BCL9: variants seen among roughly 807,000 people sequenced by gnomAD.
BCL9 encodes B-cell CLL/lymphoma 9 protein.
A neutral mutation model predicts 88.5 loss-of-function variants in BCL9; 25 were observed. The observed-to-expected ratio is 0.28, with a 90% CI of 0.21 to 0.39. BCL9 has a LOEUF of 0.39. Among genes scored for constraint, BCL9 ranks in the 10% least tolerant of loss-of-function variants. The pLI, the probability that BCL9 is intolerant of heterozygous loss-of-function variation, is 1.00. For synonymous variants in BCL9, 711 were observed against 673.3 expected, an observed-to-expected ratio of 1.06 and a Z score of -0.87; for missense variants, 1,817 against 1,877.8, an observed-to-expected ratio of 0.97 and a Z score of 0.60.
intron 1 of BCL9, among the ~76,000 whole-genome samples, chr1:147,580,331 C>T (rs587651594): frequency 6.6e-5 from 10 of 152,158 alleles, no homozygotes; most frequent in African/African-American, 1.2e-4. Flanking sequence ...TCTGAATGTA[C>T]GTAAAGAAAA....
Position 147,620,819 on chromosome 1 carries a change from T to C in BCL9, c.2664T>C (p.Thr888=). ...CGGGGAACCTCAAGTCCCCCCAGAC[T>C]CCATCGCAGCTGGCAGGCATGCTGG... ...SPSGNLKSPQ[T]PSQLAGMLAG... The change falls in exon 8 of 10, where the codon ACT becomes ACC. Residue 888 remains threonine (T), a synonymous_variant. Transcript: ENST00000234739. 6.2e-7 allele frequency: 1 copy of C among 1,614,118 alleles called. No individual in the cohort carries two copies. Among genetic ancestry groups the C allele is most frequent in the Non-Finnish European group, 8.5e-7 (1 of 1,180,016 alleles).
At chr1:147,573,781 AAGG>A (rs1205012851) in intron 1 of BCL9, among the ~76,000 whole-genome samples, 5 of 152,170 alleles carry the variant, frequency 3.3e-5, no homozygotes, top group Non-Finnish European at 7.3e-5. Flanking sequence ...ATTTTCCAGG[AAGG>A]AGAAGTGACT....
intron 1 of BCL9, among the ~76,000 whole-genome samples, chr1:147,553,253 C>T (rs1432464637): frequency 1.3e-5 from 2 of 152,168 alleles, no homozygotes; most frequent in Non-Finnish European, 2.9e-5. Context: ...GGTAGAACCT[C>T]AGCTAAGCTC....
At position 147,619,426 on chromosome 1, in the gene BCL9, C is replaced by G. The variant is rs781959957; in HGVS notation, c.1271C>G (p.Thr424Arg). The G allele has an allele frequency of 6.2e-7, 1 of 1,614,126 alleles. No homozygotes were observed. Among genetic ancestry groups the G allele is most frequent in the East Asian group, 2.2e-5 (1 of 44,888 alleles). ...CTAGGTAAGGGACCTGGGCCCCGGA[C>G]AGACGTGGGAGCTCCATTTGGCCCT... ...QSLGKGPGPR[T>R]DVGAPFGPQG... Residue 424 changes from threonine (T) to arginine (R), a missense_variant, in exon 8 of 10, where the codon ACA becomes AGA. Transcript: ENST00000234739. This position sits in a 1 kb window ranked among gnomAD's most constrained non-coding sequence, Gnocchi z 4.1.
At chr1:147,623,391 C>T (rs1477471368) in intron 9 of BCL9, among the ~76,000 whole-genome samples, 2 of 152,184 alleles carry the variant, frequency 1.3e-5, no homozygotes, top group Non-Finnish European at 2.9e-5. Context: ...CTATAAGGCA[C>T]TTATAAAATA....
intron 6 of BCL9, among the ~76,000 whole-genome samples, 193 bp downstream of exon 6, chr1:147,614,809 C>T (rs1553203538): frequency 2.0e-5 from 3 of 151,646 alleles, no homozygotes; most frequent in Admixed American, 6.6e-5. Context: ...AGAAATTTTT[C>T]GTGCTTGTAC....
rs587642467 is a variant in BCL9 at position 147,609,470 on chromosome 1, C to A, written c.-259-2108C>A. Among the ~76,000 whole-genome samples the A allele has an allele frequency of 1.4e-4, 21 of 152,292 alleles. No individual in the cohort carries two copies. In the South Asian group the frequency reaches 3.5e-3, roughly 26 times the overall value. On this transcript the variant is annotated intron_variant, in intron 3 of 9. Transcript: ENST00000234739. ...AGGAAGATGGCTTCAAGGAAAGAGC[C>A]AGGGTCTGAGAGCAGTGATTGGAAA...
intron 4 of BCL9, among the ~76,000 whole-genome samples, chr1:147,612,311 T>A (rs183154307): frequency 6.0e-4 from 91 of 152,316 alleles, no homozygotes; most frequent in African/African-American, 1.9e-3. Flanking sequence ...GTTAAATTGT[T>A]ACTTTAAAAG....
intron 3 of BCL9, among the ~76,000 whole-genome samples, chr1:147,607,254 A>G (rs1657763131): frequency 6.6e-6 from 1 of 152,162 alleles, no homozygotes; most frequent in Non-Finnish European, 1.5e-5. Context: ...TACTTAGTTG[A>G]TCCCGTCTTA....
chr1:147,622,275 C>G lies in BCL9; in HGVS notation c.2907C>G (p.Gly969=), dbSNP rs782818938. 3 of 1,613,946 alleles carry G rather than the reference C, an allele frequency of 1.9e-6. No homozygotes were observed. In the Admixed American group the frequency reaches 5.0e-5, roughly 27 times the overall value. The change falls in exon 9 of 10, where the codon GGC becomes GGG. Residue 969 remains glycine, a synonymous_variant. Transcript: ENST00000234739. The part of the protein sequence containing the change: ...PAMLGNVESG[G]PPPPTASQPA... ...TTTTATTTTGCTTCCTTTTAGGTGGCCCCCCACCTCCTACAGCCAGCCAGC... is the reference window on the plus strand; with the variant it reads ...TTTTATTTTGCTTCCTTTTAGGTGGGCCCCCACCTCCTACAGCCAGCCAGC...
intron 3 of BCL9, among the ~76,000 whole-genome samples, chr1:147,610,652 A>T (rs1421871641): frequency 6.6e-6 from 1 of 152,180 alleles, no homozygotes; most frequent in African/African-American, 2.4e-5. Flanking sequence ...AAGGGGGTTG[A>T]TAATGGGATA....
rs1397102066 is a variant in BCL9, at chr1:147,615,789, T to A, written c.561-14T>A. 1 of 1,608,818 alleles carries A rather than the reference T, an allele frequency of 6.2e-7. No homozygotes were observed. Among genetic ancestry groups the A allele is most frequent in the East Asian group, 2.2e-5 (1 of 44,856 alleles). ...AACAAGTTCTAGTGTGTGCTGTCTC[T>A]TCCATCTTTGCAGAGCTGCAGAAGC... On this transcript the variant is annotated splice_polypyrimidine_tract_variant and intron_variant, in intron 6 of 9. Transcript: ENST00000234739.
At chr1:147,549,520 C>G (rs1170552903) in intron 1 of BCL9, among the ~76,000 whole-genome samples, 5 of 152,176 alleles carry the variant, frequency 3.3e-5, no homozygotes, top group Admixed American at 1.3e-4. Flanking sequence ...GAAGTCTGGA[C>G]AATCAGAGAA....
rs60527457 is a variant in BCL9 at position 147,576,075 on chromosome 1, G to A, written c.-477-28702G>A. Among the ~76,000 whole-genome samples, 272 of 152,038 alleles carry A rather than the reference G, an allele frequency of 1.8e-3. 1 individual carries two copies. Among genetic ancestry groups the A allele is most frequent in the African/African-American group, 6.2e-3 (259 of 41,476 alleles). The stretch of plus-strand genomic sequence containing the variant: ...ATGCATTGCGGGGGAATAAGAAACA[G>A]GCTAGATCAGAATGGAGCCAATGCC... On this transcript the variant is annotated intron_variant, in intron 1 of 9. Coordinates refer to ENST00000234739, the MANE Select transcript of BCL9 (RefSeq NM_004326.4).
chr1:147,608,344 T>TTTTC (rs1211364408), intron 3 of BCL9, among the ~76,000 whole-genome samples: 5 of 147,508 alleles, frequency 3.4e-5, no homozygotes, highest in Non-Finnish European at 7.5e-5. Context: ...TTTTTTTTTT[T>TTTTC]TTTTTTAGCA....
In BCL9 at chr1:147,619,335, G is replaced by A. The variant is rs781788822; in HGVS notation, c.1180G>A (p.Val394Ile). 4 of 1,614,060 alleles carry A rather than the reference G, an allele frequency of 2.5e-6. No homozygotes were observed. The highest frequency in any genetic ancestry group is 1.7e-4 in the Middle Eastern group (1 of 6,060). Reference protein sequence around the residue: ...QSGGPQQNPGVLDGPQKKPEG... With the variant: ...QSGGPQQNPGILDGPQKKPEG... ...TGGGGGACCGCAGCAGAATCCTGGG[G>A]TATTAGATGGGCCTCAGAAAAAACC... The change falls in exon 8 of 10, where the codon GTA becomes ATA. Residue 394 changes from valine to isoleucine, a missense_variant. Physicochemically the swap from Val to Ile is conservative, Grantham distance 29. Transcript: ENST00000234739. This position sits in a 1 kb window ranked among gnomAD's most constrained non-coding sequence, Gnocchi z 4.1.
intron 1 of BCL9, among the ~76,000 whole-genome samples, chr1:147,550,441 G>A (rs587774315): frequency 3.2e-4 from 48 of 152,240 alleles, no homozygotes; most frequent in Non-Finnish European, 4.4e-5. Flanking sequence ...AAGACCATGA[G>A]AACAATGGCA....
In BCL9 at chr1:147,622,486, C is replaced by T; in HGVS notation, c.3118C>T (p.Pro1040Ser). The T allele has an allele frequency of 6.2e-7, 1 of 1,614,166 alleles. No homozygotes were observed. The highest frequency in any genetic ancestry group is 8.5e-7 in the Non-Finnish European group (1 of 1,180,028). Residue 1040 changes from proline to serine, a missense_variant, in exon 9 of 10, where the codon CCT becomes TCT. Physicochemically the swap from Pro to Ser is moderately conservative, Grantham distance 74. Coordinates refer to ENST00000234739, the MANE Select transcript of BCL9 (RefSeq NM_004326.4). The stretch of plus-strand genomic sequence containing the variant: ...TGTGGCCAGCTCAGATGACGACTCC[C>T]CTCCAGCTCGTTCTCCCAACTTGCC... The part of the protein sequence containing the change: ...KTVASSDDDS[P>S]PARSPNLPSM...
Position 147,547,988 on chromosome 1 carries a change from G to A in BCL9, c.-478+6314G>A, listed in dbSNP as rs140317628. On this transcript the variant is annotated intron_variant, in intron 1 of 9. Coordinates refer to ENST00000234739, the MANE Select transcript of BCL9 (RefSeq NM_004326.4). ...CAGTTTAAAACTTTGGAGAGCTTTA[G>A]TAATTCCATGAAAATCACAATCACT... Among the ~76,000 whole-genome samples, 564 of 152,288 alleles carry A rather than the reference G, an allele frequency of 3.7e-3. 5 individuals are homozygous for A. Among genetic ancestry groups the A allele is most frequent in the African/African-American group, 0.013 (533 of 41,564 alleles).
Sources: allele counts gnomAD v4.1 joint callset (sites outside exome capture counted in the v4.1 genomes callset), GRCh38; gene constraint gnomAD v4.1.1; non-coding constraint Gnocchi (gnomAD v3.1); transcripts MANE v1.5; gene names NCBI Gene and HGNC (gene_info 2026-07-23, HGNC 2026-07-21).